HERC1: variants seen among roughly 807,000 people sequenced by gnomAD.
HERC1 encodes HECT and RLD domain containing E3 ubiquitin protein ligase family member 1, also known as probable E3 ubiquitin-protein ligase HERC1.
In HERC1, 160 loss-of-function variants were observed where a neutral mutation model predicts 554.3. The observed-to-expected ratio is 0.29, with a 90% confidence interval of 0.25 to 0.33. The LOEUF (loss-of-function observed/expected upper bound fraction) is 0.33, where lower values mean the gene tolerates loss of function less well. Among genes scored for constraint, HERC1 ranks in the 10% least tolerant of loss-of-function variants. The pLI is 1.00. For synonymous variants in HERC1, 2,175 were observed against 2,131.7 expected, an observed-to-expected ratio of 1.02 and a Z score of -0.56; for missense variants, 4,919 against 5,918.5, an observed-to-expected ratio of 0.83 and a Z score of 5.54.
intron 12 of HERC1, among the ~76,000 whole-genome samples, chr15:63,743,696 T>G (rs566454099): frequency 6.0e-4 from 92 of 152,368 alleles, no homozygotes; most frequent in African/African-American, 2.1e-3. Flanking sequence ...GTTAAATTTA[T>G]GTGATAGGAT....
At chr15:63,785,634 G>A (rs1179045113) in intron 1 of HERC1, among the ~76,000 whole-genome samples, 4 of 151,914 alleles carry the variant, frequency 2.6e-5, no homozygotes, top group Non-Finnish European at 5.9e-5. Context: ...GCCAGGAATG[G>A]TGGCGCATGA....
chr15:63,658,771 T>G, intron 47 of HERC1, 53 bp from the exon 48 acceptor site: 3 of 1,410,030 alleles, frequency 2.1e-6, no homozygotes, highest in Non-Finnish European at 2.9e-6. Flanking sequence ...AAAATACATC[T>G]GAACTACTAA....
At chr15:63,784,839 G>A (rs2076391210) in intron 1 of HERC1, among the ~76,000 whole-genome samples, 1 of 152,174 alleles carries the variant, frequency 6.6e-6, no homozygotes. Flanking sequence ...TCGCTTTCCT[G>A]ACCTCAGGTG....
At chr15:63,793,940 T>C (rs966644153) in intron 1 of HERC1, among the ~76,000 whole-genome samples, 11 of 152,276 alleles carry the variant, frequency 7.2e-5, no homozygotes, top group Middle Eastern at 3.4e-3. Flanking sequence ...ATACAGGTCA[T>C]AAAGACCTTC....
chr15:63,761,450 G>A (rs1238096362), intron 3 of HERC1, among the ~76,000 whole-genome samples: 2 of 152,036 alleles, frequency 1.3e-5, no homozygotes, highest in Non-Finnish European at 2.9e-5. Flanking sequence ...AGCCAGGTGT[G>A]ATGGCACATG....
At chr15:63,698,026 T>G (rs535849868) in intron 26 of HERC1, among the ~76,000 whole-genome samples, 8 of 152,342 alleles carry the variant, frequency 5.3e-5, no homozygotes, top group Non-Finnish European at 1.0e-4. Context: ...TCACTCATTT[T>G]AGCATTCAAC....
intron 4 of HERC1, among the ~76,000 whole-genome samples, chr15:63,757,194 T>TA (rs914657052): frequency 3.4e-4 from 45 of 130,876 alleles, no homozygotes; most frequent in Admixed American, 7.7e-4. Context: ...GCTACAAATG[T>TA]AAAAAAAAAA....
rs367591428 is a variant in HERC1 at position 63,638,397 on chromosome 15, A to G, written c.12093+14T>C. 1.9e-6 allele frequency: 3 copies of G among 1,605,222 alleles called. No individual in the cohort carries two copies. Among genetic ancestry groups the G allele is most frequent in the Non-Finnish European group, 2.5e-6 (3 of 1,177,200 alleles). On this transcript the variant is annotated intron_variant, in intron 63 of 77. Transcript: ENST00000443617. ...TTCCCATGTTTCTTTTCTATTTTTT[A>G]TCCTGTTAGTTACCTGTTGGGCCTG...
At chr15:63,791,387 C>T (rs570233026) in intron 1 of HERC1, among the ~76,000 whole-genome samples, 7 of 152,174 alleles carry the variant, frequency 4.6e-5, no homozygotes, top group Non-Finnish European at 8.8e-5. Context: ...ATTACAAATA[C>T]GAGCTCTGTG....
chr15:63,755,721 C>G (rs553711237), intron 5 of HERC1, among the ~76,000 whole-genome samples: 23 of 152,206 alleles, frequency 1.5e-4, no homozygotes, highest in Middle Eastern at 3.4e-3. Context: ...ATCAAAGATG[C>G]AGTGGGCTGA....
At chr15:63,821,018 C>T (rs1021962521) in intron 1 of HERC1, among the ~76,000 whole-genome samples, 10 of 152,192 alleles carry the variant, frequency 6.6e-5, no homozygotes, top group African/African-American at 2.4e-4. Flanking sequence ...CAATTATATG[C>T]TCTTGATAAT....
intron 1 of HERC1, among the ~76,000 whole-genome samples, chr15:63,804,552 C>T (rs2077080018): frequency 1.3e-5 from 2 of 151,652 alleles, no homozygotes; most frequent in Admixed American, 1.3e-4. Context: ...TACCATTGCA[C>T]TCCAGCCTGG....
chr15:63,670,848 A>G (rs8041075), intron 39 of HERC1, among the ~76,000 whole-genome samples: 47,563 of 151,884 alleles, frequency 0.31, 7,943 homozygotes, highest in Middle Eastern at 0.4. Context: ...CTTGAGGCCA[A>G]GAGTTCAAGA....
At chr15:63,813,071 G>C (rs958367475) in intron 1 of HERC1, among the ~76,000 whole-genome samples, 1 of 152,128 alleles carries the variant, frequency 6.6e-6, no homozygotes, top group African/African-American at 2.4e-5. Context: ...ATACATAAAT[G>C]AAACATATTG....
chr15:63,704,574 A>G (rs2153088547), intron 25 of HERC1, among the ~76,000 whole-genome samples: 1 of 152,272 alleles, frequency 6.6e-6, no homozygotes, highest in Admixed American at 6.5e-5. Flanking sequence ...AATTATATTC[A>G]CCTGAGCTAA....
In HERC1 at chr15:63,718,346, T is replaced by G; in HGVS notation, c.3978+228A>C. 2.3e-6 allele frequency: 1 copy of G among 425,664 alleles called. No homozygotes were observed. Among genetic ancestry groups the G allele is most frequent in the South Asian group, 4.6e-5 (1 of 21,506 alleles). The allele number at this position is 425,664 out of a possible 1,614,324, so 26.4% of individuals were successfully genotyped here. A position where few individuals can be genotyped will look rare whatever the true frequency, so the allele number is the denominator to read the frequency against. ...GAATCATTCAATTTGTTATTAATAT[T>G]TATGCAGCCAACTAAAGTTTCTTAG... On this transcript the variant is annotated intron_variant, in intron 21 of 77. Transcript: ENST00000443617. This position sits in a 1 kb window ranked among gnomAD's most constrained non-coding sequence, Gnocchi z 4.2.
At chr15:63,701,738 T>A (rs1018330881) in intron 25 of HERC1, among the ~76,000 whole-genome samples, 15 of 152,088 alleles carry the variant, frequency 9.9e-5, no homozygotes, top group Non-Finnish European at 1.6e-4. Flanking sequence ...ATAATTTCCA[T>A]CAAAATATTT....
In HERC1 at chr15:63,635,942, T is replaced by A; in HGVS notation, c.12414+19A>T. The A allele has an allele frequency of 1.2e-6, 2 of 1,611,100 alleles. No individual in the cohort carries two copies. Among genetic ancestry groups the A allele is most frequent in the Non-Finnish European group, 1.7e-6 (2 of 1,178,404 alleles). ...GTATATTTACAATGAAAGGCAAACT[T>A]ATCCATTTCCTGCCTGACCTGCACC... is the stretch of plus-strand genomic sequence containing the variant. On this transcript the variant is annotated intron_variant, in intron 65 of 77. Transcript: ENST00000443617.
chr15:63,829,687 A>G (rs1441754322), intron 1 of HERC1, among the ~76,000 whole-genome samples: 1 of 150,402 alleles, frequency 6.6e-6, no homozygotes, highest in Non-Finnish European at 1.5e-5. Flanking sequence ...TTTGATTTTA[A>G]ATACTATTCT....
Sources: allele counts gnomAD v4.1 joint callset (sites outside exome capture counted in the v4.1 genomes callset), GRCh38; gene constraint gnomAD v4.1.1; non-coding constraint Gnocchi (gnomAD v3.1); transcripts MANE v1.5; gene names NCBI Gene and HGNC (gene_info 2026-07-23, HGNC 2026-07-21).